The following DNALI1 variants were observed in gnomAD, a reference collection of about 807,000 sequenced individuals.
The protein encoded by DNALI1 is dynein axonemal light intermediate chain 1.
Under a neutral mutation model 33.9 loss-of-function variants are expected in DNALI1, and 31 were observed. That is an observed-to-expected ratio of 0.91 (90% CI 0.69 to 1.23). The LOEUF (loss-of-function observed/expected upper bound fraction) is 1.23, where lower values mean the gene tolerates loss of function less well. Among genes scored for constraint, DNALI1 ranks in the 50% most tolerant of loss-of-function variants. DNALI1 has a pLI of 0.00. For synonymous variants in DNALI1, 117 were observed against 129.2 expected, an observed-to-expected ratio of 0.91 and a Z score of 0.64; for missense variants, 305 against 323.8, an observed-to-expected ratio of 0.94 and a Z score of 0.44.
In DNALI1 at chr1:37,566,806, A is replaced by C. The variant is rs1299065403; in HGVS notation, c.*1745A>C. The C allele has an allele frequency of 6.4e-7, 1 of 1,558,582 alleles. No homozygotes were observed. Among genetic ancestry groups the C allele is most frequent in the African/African-American group, 1.4e-5 (1 of 73,440 alleles). On this transcript the variant is annotated 3_prime_UTR_variant, in exon 6 of 6. Coordinates refer to ENST00000652629, the MANE Select transcript of DNALI1 (RefSeq NM_003462.5). ...TGTCAATGGGGCAGGAAGAAAACAC[A>C]ATTTCTAACTGCCTGTTTTTGTATA...
At position 37,566,769 on chromosome 1, in the gene DNALI1, G is replaced by A; in HGVS notation, c.*1708G>A. 3 of 1,238,436 alleles carry A rather than the reference G, an allele frequency of 2.4e-6. No homozygotes were observed. Among genetic ancestry groups the A allele is most frequent in the East Asian group, 4.6e-5 (2 of 43,250 alleles). The allele number at this position is 1,238,436 out of a possible 1,614,324, so 76.7% of individuals were successfully genotyped here. ...GTCAAACCTCAGAACAAATGCATTA[G>A]GGCCTTAGAAATGTCAATGGGGCAG... On this transcript the variant is annotated 3_prime_UTR_variant, in exon 6 of 6. Coordinates refer to ENST00000652629, the MANE Select transcript of DNALI1 (RefSeq NM_003462.5).
chr1:37,558,104 A>G (rs1643394718), intron 2 of DNALI1: 1 of 200,666 alleles, frequency 5.0e-6, no homozygotes, highest in African/African-American at 2.4e-5. Flanking sequence ...CTCAAACTCA[A>G]TATATTCAAA....
rs539091352 is a variant in DNALI1 at position 37,561,070 on chromosome 1, A to G, written c.398-487A>G. 8.9e-5 allele frequency: 14 copies of G among 157,370 alleles called. No homozygotes were observed. Among genetic ancestry groups the G allele is most frequent in the African/African-American group, 3.1e-4 (13 of 41,656 alleles). 9.7% of individuals were successfully genotyped at this position (157,370 alleles called of 1,614,324 possible). A position where few individuals can be genotyped will look rare whatever the true frequency, so the allele number is the denominator to read the frequency against. ...TAGCAGGCTTCCCTATCCGTGTGTT[A>G]TTATGGTTTGCCCTCCAGGTCAGCA... On this transcript the variant is annotated intron_variant, in intron 3 of 5. Transcript: ENST00000652629. The surrounding 1 kb of genome is among the most constrained non-coding windows in gnomAD (Gnocchi z 4.6).
chr1:37,561,798 TATC>T lies in DNALI1; in HGVS notation c.576+66_576+68del. On this transcript the variant is annotated intron_variant, in intron 4 of 5. Transcript: ENST00000652629. This position sits in a 1 kb window ranked among gnomAD's most constrained non-coding sequence, Gnocchi z 4.6. ...TCTGTAAACCTCAGGGCCACATGCT[TATC>T]ATTCCAGCACTACATTCTGACCTCC... The T allele has an allele frequency of 6.4e-7, 1 of 1,558,556 alleles. No individual in the cohort carries two copies. The highest frequency in any genetic ancestry group is 1.3e-5 in the African/African-American group (1 of 74,232).
intron 1 of DNALI1, among the ~76,000 whole-genome samples, 167 bp from the exon 2 acceptor site, chr1:37,557,436 A>C (rs1643384364): frequency 6.6e-6 from 1 of 152,196 alleles, no homozygotes; most frequent in East Asian, 1.9e-4. Context: ...GCCAGACTTC[A>C]TGGCCTCCTT....
intron 2 of DNALI1, chr1:37,558,119 A>C: frequency 5.6e-6 from 1 of 179,408 alleles, no homozygotes; most frequent in Non-Finnish European, 1.1e-5. Context: ...TTCAAACTAA[A>C]TCACAATTTC....
rs552988940 is a variant in DNALI1 at position 37,565,071 on chromosome 1, CAT to C, written c.*11_*12del. Reference sequence around the variant, plus strand: ...TGCACCAAAGAAGTGATAATTTCCACATGATTAATTTCCAACAAGACACTTGG... The same window carrying C: ...TGCACCAAAGAAGTGATAATTTCCACGATTAATTTCCAACAAGACACTTGG... On this transcript the variant is annotated 3_prime_UTR_variant, in exon 6 of 6. Coordinates refer to ENST00000652629, the MANE Select transcript of DNALI1 (RefSeq NM_003462.5). The C allele has an allele frequency of 1.0e-4, 163 of 1,614,136 alleles. No homozygotes were observed. The East Asian group carries it at 1.7e-3, about 17-fold the overall frequency.
intron 5 of DNALI1, among the ~76,000 whole-genome samples, chr1:37,563,071 G>A (rs973154438): frequency 6.6e-6 from 1 of 152,234 alleles, no homozygotes; most frequent in Admixed American, 6.5e-5. Flanking sequence ...CTGGAAAGAT[G>A]GCCTACTGAC....
Position 37,561,490 on chromosome 1 carries a change from G to T in DNALI1, c.398-67G>T, listed in dbSNP as rs560363376. On this transcript the variant is annotated intron_variant, in intron 3 of 5. Transcript: ENST00000652629. This position sits in a 1 kb window ranked among gnomAD's most constrained non-coding sequence, Gnocchi z 4.6. ...GTCCTTCCCAAGAGGAAGGGTGTTT[G>T]CAGTAGACATACTGCAAGCCCCCTC... The T allele has an allele frequency of 7.7e-6, 12 of 1,559,754 alleles. No individual in the cohort carries two copies. The South Asian group carries it at 1.2e-4, about 15-fold the overall frequency.
At chr1:37,560,505 A>G (rs1250589561) in intron 3 of DNALI1, 1 of 152,212 alleles carries the variant, frequency 6.6e-6, no homozygotes, top group African/African-American at 2.4e-5. Context: ...GATTCCATAC[A>G]TCACATGTTT....
chr1:37,565,169 C>T lies in DNALI1; in HGVS notation c.*108C>T, dbSNP rs1557634308. 1 of 1,289,946 alleles carries T rather than the reference C, an allele frequency of 7.8e-7. No homozygotes were observed. Among genetic ancestry groups the T allele is most frequent in the Non-Finnish European group, 1.1e-6 (1 of 912,778 alleles). The allele number at this position is 1,289,946 out of a possible 1,614,324, so 79.9% of individuals were successfully genotyped here. On this transcript the variant is annotated 3_prime_UTR_variant, in exon 6 of 6. Transcript: ENST00000652629. The stretch of plus-strand genomic sequence containing the variant: ...GCCCTTTGTAATAAAAAGCTAGTTT[C>T]CTGAGTGAACAAGCCATAACCTCCC...
intron 1 of DNALI1, 109 bp from the exon 2 acceptor site, chr1:37,557,494 T>C (rs1643385179): frequency 1.4e-6 from 2 of 1,440,768 alleles, no homozygotes; most frequent in Non-Finnish European, 9.3e-7. Context: ...CAAAGTAGGC[T>C]AGGAAGAGGG....
chr1:37,565,601 C>G lies in DNALI1; in HGVS notation c.*540C>G, dbSNP rs12117262. 8,109 of 153,136 alleles carry G rather than the reference C, an allele frequency of 0.053. 271 individuals are homozygous for G. Among genetic ancestry groups the G allele is most frequent in the South Asian group, 0.14 (667 of 4,862 alleles). The allele number at this position is 153,136 out of a possible 1,614,324, so 9.5% of individuals were successfully genotyped here. A position where few individuals can be genotyped will look rare whatever the true frequency, so the allele number is the denominator to read the frequency against. On this transcript the variant is annotated 3_prime_UTR_variant, in exon 6 of 6. Transcript: ENST00000652629. ...ATCCCCACTTGCCAGTCAACTGGAC[C>G]CCTTCCTCCTCGGTTTCAGACTGCC... is the stretch of plus-strand genomic sequence containing the variant.
Position 37,559,615 on chromosome 1 carries a change from C to A in DNALI1, c.397+119C>A. The A allele has an allele frequency of 8.2e-7, 1 of 1,221,718 alleles. No homozygotes were observed. The allele number at this position is 1,221,718 out of a possible 1,614,324, so 75.7% of individuals were successfully genotyped here. A position where few individuals can be genotyped will look rare whatever the true frequency, so the allele number is the denominator to read the frequency against. On this transcript the variant is annotated intron_variant, in intron 3 of 5. Transcript: ENST00000652629. This position sits in a 1 kb window ranked among gnomAD's most constrained non-coding sequence, Gnocchi z 5.3. ...GGAGCCCATCTCATGCTGGAATCCCCTCTTCTCCCCCTGCCTGACCCACCC... is the reference window on the plus strand; with the variant it reads ...GGAGCCCATCTCATGCTGGAATCCCATCTTCTCCCCCTGCCTGACCCACCC...
At chr1:37,558,960 T>C (rs1315683083) in intron 2 of DNALI1, among the ~76,000 whole-genome samples, 1 of 152,246 alleles carries the variant, frequency 6.6e-6, no homozygotes, top group African/African-American at 2.4e-5. Context: ...ACAAGGTTCA[T>C]GATGTCCTGT....
At position 37,559,314 on chromosome 1, in the gene DNALI1, G is replaced by C; in HGVS notation, c.228-13G>C. On this transcript the variant is annotated splice_polypyrimidine_tract_variant and intron_variant, in intron 2 of 5. Transcript: ENST00000652629. The surrounding 1 kb of genome is among the most constrained non-coding windows in gnomAD (Gnocchi z 5.3). ...TCAACGGGTTTTGCTCAGCCTCGCT[G>C]TGTCTGCCACAGGGAGTGGGTGGAA... The C allele has an allele frequency of 6.3e-7, 1 of 1,586,336 alleles. No homozygotes were observed.
chr1:37,561,271 C>A lies in DNALI1; in HGVS notation c.398-286C>A, dbSNP rs1402266637. On this transcript the variant is annotated intron_variant, in intron 3 of 5. Coordinates refer to ENST00000652629, the MANE Select transcript of DNALI1 (RefSeq NM_003462.5). This position sits in a 1 kb window ranked among gnomAD's most constrained non-coding sequence, Gnocchi z 4.6. ...TTACCTAAGGCAGGAAGGGAGGGGACCCAGTGCTGTAAACAAACCAGAGCC... is the reference window on the plus strand; with the variant it reads ...TTACCTAAGGCAGGAAGGGAGGGGAACCAGTGCTGTAAACAAACCAGAGCC... 1.6e-5 allele frequency: 6 copies of A among 368,720 alleles called. No individual in the cohort carries two copies. The highest frequency in any genetic ancestry group is 3.0e-5 in the Non-Finnish European group (6 of 201,776). 22.8% of individuals were successfully genotyped at this position (368,720 alleles called of 1,614,324 possible).
rs1307759636 is a variant in DNALI1 at position 37,557,755 on chromosome 1, A to C, written c.227+7A>C. ...ATGCCATACTACCCCCAAGGTAAGA[A>C]AGTAGGAGCAGTGGCTGGGAGAAGG... On this transcript the variant is annotated splice_region_variant and intron_variant, in intron 2 of 5. Transcript: ENST00000652629. The C allele has an allele frequency of 6.2e-7, 1 of 1,613,434 alleles. No individual in the cohort carries two copies. The highest frequency in any genetic ancestry group is 8.5e-7 in the Non-Finnish European group (1 of 1,179,768).
chr1:37,565,172 G>A lies in DNALI1; in HGVS notation c.*111G>A, dbSNP rs1643485042. On this transcript the variant is annotated 3_prime_UTR_variant, in exon 6 of 6. Coordinates refer to ENST00000652629, the MANE Select transcript of DNALI1 (RefSeq NM_003462.5). ...CTTTGTAATAAAAAGCTAGTTTCCT[G>A]AGTGAACAAGCCATAACCTCCCCTA... 6.4e-6 allele frequency: 8 copies of A among 1,249,540 alleles called. No individual in the cohort carries two copies. Among genetic ancestry groups the A allele is most frequent in the Middle Eastern group, 2.5e-4 (1 of 3,942 alleles). 77.4% of individuals were successfully genotyped at this position (1,249,540 alleles called of 1,614,324 possible). A position where few individuals can be genotyped will look rare whatever the true frequency, so the allele number is the denominator to read the frequency against.
Sources: allele counts gnomAD v4.1 joint callset (sites outside exome capture counted in the v4.1 genomes callset), GRCh38; gene constraint gnomAD v4.1.1; non-coding constraint Gnocchi (gnomAD v3.1); transcripts MANE v1.5; gene names NCBI Gene and HGNC (gene_info 2026-07-23, HGNC 2026-07-21).